RASGRP1: variants seen among roughly 807,000 people sequenced by gnomAD.
The protein encoded by RASGRP1 is RAS guanyl-releasing protein 1.
RASGRP1 carries 37 observed loss-of-function variants against 95.1 expected under a neutral mutation model. That is an observed-to-expected ratio of 0.39 (90% CI 0.30 to 0.51). RASGRP1 has a LOEUF of 0.51. Among genes scored for constraint, RASGRP1 ranks in the 20% least tolerant of loss-of-function variants. The pLI is 0.80. For synonymous variants in RASGRP1, 325 were observed against 353.4 expected (o/e 0.92, Z 0.90); for missense variants, 711 against 965.4 (o/e 0.74, Z 3.49).
intron 16 of RASGRP1, among the ~76,000 whole-genome samples, chr15:38,491,760 A>G (rs1890594463): frequency 6.6e-6 from 1 of 152,224 alleles, no homozygotes; most frequent in Non-Finnish European, 1.5e-5. Flanking sequence ...CACACAGTGA[A>G]TTCTGGACCT....
In RASGRP1 at chr15:38,513,135, GA is replaced by G. The variant is rs904323409; in HGVS notation, c.676-180del. ...ACTTGCCAACAAGCATGATGGGAGG[GA>G]AATCTTCCTTATTCTACCCACAGCA... On this transcript the variant is annotated intron_variant, in intron 6 of 16. Transcript: ENST00000310803. Among the ~76,000 whole-genome samples the G allele has an allele frequency of 5.2e-4, 79 of 152,312 alleles. 1 individual carries two copies. The highest frequency in any genetic ancestry group is 1.7e-3 in the African/African-American group (72 of 41,568).
chr15:38,515,910 A>AGAGAGTGT (rs779224083), intron 6 of RASGRP1, among the ~76,000 whole-genome samples: 1,893 of 143,464 alleles, frequency 0.013, 16 homozygotes, highest in Middle Eastern at 0.035. Context: ...AGAGAGAGAG[A>AGAGAGTGT]GTGTGTGTGT....
chr15:38,525,787 C>T (rs971221936), intron 3 of RASGRP1, among the ~76,000 whole-genome samples: 2 of 152,108 alleles, frequency 1.3e-5, no homozygotes, highest in Non-Finnish European at 1.5e-5. Context: ...ATTCATATCC[C>T]GTAATAAGGT....
chr15:38,530,312 C>T (rs61151486), intron 2 of RASGRP1, among the ~76,000 whole-genome samples: 192 of 152,290 alleles, frequency 1.3e-3, no homozygotes, highest in African/African-American at 4.5e-3. Context: ...AGCTGGCGTG[C>T]TGTTTCTTCT....
At chr15:38,538,322 T>C (rs1463089415) in intron 2 of RASGRP1, among the ~76,000 whole-genome samples, 1 of 152,192 alleles carries the variant, frequency 6.6e-6, no homozygotes, top group African/African-American at 2.4e-5. Context: ...CATGAATTGA[T>C]GTGTTGTATC....
intron 10 of RASGRP1, chr15:38,503,808 A>T (rs1595829508): frequency 4.5e-6 from 1 of 219,846 alleles, no homozygotes; most frequent in East Asian, 1.5e-4. Flanking sequence ...AAGCCTGGAC[A>T]AGCTCTTTTC....
intron 10 of RASGRP1, chr15:38,504,028 G>A (rs1462386826): frequency 1.3e-5 from 2 of 152,188 alleles, no homozygotes; most frequent in African/African-American, 4.8e-5. Flanking sequence ...GTAGGCAATT[G>A]TAATGATGGT....
chr15:38,550,100 A>C (rs572969702), intron 2 of RASGRP1, among the ~76,000 whole-genome samples: 102 of 152,008 alleles, frequency 6.7e-4, no homozygotes, highest in Non-Finnish European at 1.1e-3. Context: ...TCTACTAAAA[A>C]TAGAAAAATT....
chr15:38,494,741 G>A lies in RASGRP1; in HGVS notation c.1900C>T (p.Pro634Ser), dbSNP rs889315254. 2.7e-6 allele frequency: 4 copies of A among 1,505,734 alleles called. No homozygotes were observed. The African/African-American group carries it at 5.6e-5, about 21-fold the overall frequency. The allele number at this position is 1,505,734 out of a possible 1,614,324, so 93.3% of individuals were successfully genotyped here. Reference sequence around the variant, plus strand: ...CCATGTTCCACAGCCTCCCCATTAGGGAATGTAAAAGGTCCTTCCTCAGGT... The same window carrying A: ...CCATGTTCCACAGCCTCCCCATTAGAGAATGTAAAAGGTCCTTCCTCAGGT... ...HAPEEGPFTF[P>S]NGEAVEHGEE... is the part of the protein sequence containing the mutation. The change falls in exon 16 of 17, where the codon CCT (proline) becomes TCT (serine). Residue 634 changes from proline (P) to serine (S), a missense_variant. By Grantham distance (74) the Pro-to-Ser change is moderately conservative. Coordinates refer to ENST00000310803, the MANE Select transcript of RASGRP1 (RefSeq NM_005739.4).
intron 6 of RASGRP1, among the ~76,000 whole-genome samples, chr15:38,515,800 G>C (rs1390152010): frequency 1.0e-4 from 11 of 110,406 alleles, no homozygotes; most frequent in Admixed American, 6.7e-4. Flanking sequence ...TTTTTTTTTT[G>C]AGGAAGATTT....
chr15:38,530,569 C>T (rs948806445), intron 2 of RASGRP1, among the ~76,000 whole-genome samples: 7 of 152,184 alleles, frequency 4.6e-5, no homozygotes, highest in African/African-American at 1.7e-4. Context: ...GGTGAAACTA[C>T]AGTGAAAAGA....
intron 2 of RASGRP1, among the ~76,000 whole-genome samples, chr15:38,541,169 T>C (rs1892843227): frequency 6.6e-6 from 1 of 152,222 alleles, no homozygotes; most frequent in Non-Finnish European, 1.5e-5. Context: ...CATTATCTCA[T>C]TTGACCATCA....
intron 15 of RASGRP1, among the ~76,000 whole-genome samples, chr15:38,497,593 T>G (rs1890844754): frequency 6.6e-6 from 1 of 152,178 alleles, no homozygotes; most frequent in African/African-American, 2.4e-5. Context: ...TATGTCCTCC[T>G]GTCATTTGCT....
chr15:38,503,698 A>G (rs1891134196), intron 10 of RASGRP1: 1 of 296,726 alleles, frequency 3.4e-6, no homozygotes, highest in Non-Finnish European at 6.2e-6. Context: ...AAAGTGGATC[A>G]TTTATGATTC....
intron 6 of RASGRP1, among the ~76,000 whole-genome samples, chr15:38,513,482 T>C (rs1207803978): frequency 6.6e-6 from 1 of 152,236 alleles, no homozygotes; most frequent in Non-Finnish European, 1.5e-5. Flanking sequence ...GTTACATATA[T>C]GTAAGGTTGC....
chr15:38,525,792 T>C (rs1892197335), intron 3 of RASGRP1, among the ~76,000 whole-genome samples: 1 of 152,112 alleles, frequency 6.6e-6, no homozygotes, highest in African/African-American at 2.4e-5. Context: ...TATCCCGTAA[T>C]AAGGTTAAAG....
intron 2 of RASGRP1, among the ~76,000 whole-genome samples, chr15:38,548,130 C>G (rs891216967): frequency 7.9e-5 from 12 of 152,070 alleles, no homozygotes; most frequent in African/African-American, 2.9e-4. Flanking sequence ...CTTTATTTTC[C>G]TCTCCCTTCT....
chr15:38,532,388 T>A (rs1298869491), intron 2 of RASGRP1, among the ~76,000 whole-genome samples: 1 of 152,214 alleles, frequency 6.6e-6, no homozygotes. Context: ...TGTAAGCTGC[T>A]AGAGAAGCAT....
In RASGRP1 at chr15:38,564,689, C is replaced by T. The variant is rs1199105417; in HGVS notation, c.-61G>A. Reference sequence around the variant, plus strand: ...GCGCGGCCGGGCGCGGCGCATCGCCCCCGCCACCACCGCCGCCGCCTGCCG... The same window carrying T: ...GCGCGGCCGGGCGCGGCGCATCGCCTCCGCCACCACCGCCGCCGCCTGCCG... On this transcript the variant is annotated 5_prime_UTR_variant, in exon 1 of 17. Coordinates refer to ENST00000310803, the MANE Select transcript of RASGRP1 (RefSeq NM_005739.4). The T allele has an allele frequency of 4.2e-6, 5 of 1,191,742 alleles. No homozygotes were observed. The highest frequency in any genetic ancestry group is 3.1e-6 in the Non-Finnish European group (3 of 960,388). 73.8% of individuals were successfully genotyped at this position (1,191,742 alleles called of 1,614,324 possible).
Sources: gnomAD v4.1 joint callset for allele counts (sites outside exome capture counted in the v4.1 genomes callset) on GRCh38, gnomAD v4.1.1 for gene constraint, MANE v1.5 for transcripts, NCBI Gene and HGNC (gene_info 2026-07-23, HGNC 2026-07-21) for gene names.